NEDD9: variants seen among roughly 807,000 people sequenced by gnomAD.
NEDD9 encodes neural precursor cell expressed, developmentally down-regulated 9, also known as enhancer of filamentation 1.
In NEDD9, 26 loss-of-function variants were observed where a neutral mutation model predicts 76.6. The observed-to-expected ratio is 0.34, with a 90% CI of 0.25 to 0.47. The LOEUF (loss-of-function observed/expected upper bound fraction) is 0.47. NEDD9 is among the 20% of genes least tolerant of loss of function. The probability of loss-of-function intolerance (pLI) is 1.00; values close to 1 mark genes in which losing one functional copy is unlikely to be tolerated. For synonymous variants in NEDD9, 392 were observed against 414.2 expected (o/e 0.95, Z 0.65); for missense variants, 937 against 1,058.5 (o/e 0.89, Z 1.59).
At chr6:11,356,545 AAC>A (rs1252830130) in intron 1 of NEDD9, among the ~76,000 whole-genome samples, 1 of 152,172 alleles carries the variant, frequency 6.6e-6, no homozygotes, top group Non-Finnish European at 1.5e-5. Flanking sequence ...AGCTTGTTAA[AAC>A]ACAGATGGCT....
At chr6:11,192,320 T>C in intron 4 of NEDD9, 25 bp downstream of exon 4, 1 of 1,386,184 alleles carries the variant, frequency 7.2e-7, no homozygotes, top group Non-Finnish European at 9.9e-7. Context: ...CACTCCTTTT[T>C]GCTGCTTTGT....
intron 1 of NEDD9, among the ~76,000 whole-genome samples, chr6:11,366,298 A>AGGAAGGAAGGAAGGAAG (rs1762765208): frequency 2.1e-5 from 2 of 94,870 alleles, no homozygotes; most frequent in African/African-American, 9.4e-5. Context: ...AAGGAAGGAA[A>AGGAAGGAAGGAAGGAAG]GAAAGAAAGA....
At chr6:11,186,709 C>T (rs1000428606) in intron 6 of NEDD9, among the ~76,000 whole-genome samples, 6 of 152,200 alleles carry the variant, frequency 3.9e-5, no homozygotes, top group Non-Finnish European at 7.3e-5. Context: ...GCTCCGCCTC[C>T]CAGGTTCACA....
chr6:11,284,738 A>T (rs1760612225), intron 3 of NEDD9, among the ~76,000 whole-genome samples: 1 of 150,980 alleles, frequency 6.6e-6, no homozygotes, highest in South Asian at 2.1e-4. Flanking sequence ...TCCAAATACT[A>T]TGTTAAGTGC....
intron 3 of NEDD9, among the ~76,000 whole-genome samples, chr6:11,291,474 C>T (rs1447186239): frequency 6.6e-6 from 1 of 152,028 alleles, no homozygotes; most frequent in African/African-American, 2.4e-5. Context: ...CGGGGTTTCA[C>T]CGTAGTAGCC....
chr6:11,240,842 C>T (rs1482733905), intron 3 of NEDD9, among the ~76,000 whole-genome samples: 1 of 152,168 alleles, frequency 6.6e-6, no homozygotes, highest in Non-Finnish European at 1.5e-5. Flanking sequence ...TTAGGCTTAT[C>T]TCCATAATTG....
chr6:11,364,904 A>G (rs896162387), intron 1 of NEDD9, among the ~76,000 whole-genome samples: 1 of 152,090 alleles, frequency 6.6e-6, no homozygotes, highest in Admixed American at 6.5e-5. Context: ...TATAAGCCAA[A>G]TGGAGCCTCT....
chr6:11,275,499 A>T (rs1169947416), intron 3 of NEDD9, among the ~76,000 whole-genome samples: 1 of 152,196 alleles, frequency 6.6e-6, no homozygotes, highest in Non-Finnish European at 1.5e-5. Context: ...CATGCTGTAC[A>T]TCATAAAATA....
chr6:11,303,696 A>G (rs973016651), intron 3 of NEDD9, among the ~76,000 whole-genome samples: 4 of 152,248 alleles, frequency 2.6e-5, no homozygotes, highest in African/African-American at 9.6e-5. Flanking sequence ...CCTGAAAAAA[A>G]CAAGCAATAT....
chr6:11,212,849 A>C (rs1758825561), intron 2 of NEDD9, among the ~76,000 whole-genome samples: 2 of 152,212 alleles, frequency 1.3e-5, no homozygotes, highest in Non-Finnish European at 2.9e-5. Context: ...CAGGCCACTG[A>C]GGTCATGATT....
At chr6:11,281,523 G>A (rs1261672892) in intron 3 of NEDD9, among the ~76,000 whole-genome samples, 1 of 151,894 alleles carries the variant, frequency 6.6e-6, no homozygotes, top group African/African-American at 2.4e-5. Flanking sequence ...TTTTTCTTTT[G>A]TTTTTATCTT....
At chr6:11,305,139 G>T (rs756447086) in intron 3 of NEDD9, 1 of 1,289,122 alleles carries the variant, frequency 7.8e-7, no homozygotes, top group South Asian at 1.2e-5. Flanking sequence ...TTTTATTTGT[G>T]TGCAGTTGAT....
At chr6:11,341,974 G>A (rs908689609) in intron 1 of NEDD9, among the ~76,000 whole-genome samples, 1 of 152,090 alleles carries the variant, frequency 6.6e-6, no homozygotes, top group Non-Finnish European at 1.5e-5. Flanking sequence ...GTGAGTAAAT[G>A]AGGAATTTTT....
intron 1 of NEDD9, among the ~76,000 whole-genome samples, chr6:11,339,863 T>C (rs1424724793): frequency 6.6e-6 from 1 of 152,230 alleles, no homozygotes; most frequent in Non-Finnish European, 1.5e-5. Flanking sequence ...CTTGCATTTG[T>C]CATCTAATTT....
intron 3 of NEDD9, among the ~76,000 whole-genome samples, chr6:11,304,656 G>C (rs1299715706): frequency 6.6e-6 from 1 of 152,184 alleles, no homozygotes; most frequent in East Asian, 1.9e-4. Context: ...GTCCTTTGTA[G>C]GGACATGGAT....
chr6:11,185,273 G>A lies in NEDD9; in HGVS notation c.2394C>T (p.Ala798=), dbSNP rs1387283744. Reference sequence around the variant, plus strand: ...GGGCCGTGGTGCTGGGGTAATGGAGGGCGGCCATCTTGGTTGCCATGACTA... The same window carrying A: ...GGGCCGTGGTGCTGGGGTAATGGAGAGCGGCCATCTTGGTTGCCATGACTA... ...KTIVMATKMA[A]LHYPSTTALQ... Residue 798 remains alanine (A), a synonymous_variant, in exon 7 of 7, where the codon GCC becomes GCT. Transcript: ENST00000379446. 1.2e-6 allele frequency: 2 copies of A among 1,614,136 alleles called. No individual in the cohort carries two copies. The highest frequency in any genetic ancestry group is 4.5e-5 in the East Asian group (2 of 44,876).
At chr6:11,238,814 A>G (rs1236431120) in intron 3 of NEDD9, among the ~76,000 whole-genome samples, 1 of 152,084 alleles carries the variant, frequency 6.6e-6, no homozygotes, top group Non-Finnish European at 1.5e-5. Context: ...TCTCTCCTTT[A>G]AGTATGAGCC....
chr6:11,299,506 C>T (rs1760986458), intron 3 of NEDD9, among the ~76,000 whole-genome samples: 1 of 152,200 alleles, frequency 6.6e-6, no homozygotes, highest in Non-Finnish European at 1.5e-5. Flanking sequence ...AGCAGCGGTT[C>T]TCTCAGCATG....
chr6:11,305,620 A>C (rs995744469), intron 3 of NEDD9, among the ~76,000 whole-genome samples: 6 of 152,226 alleles, frequency 3.9e-5, no homozygotes, highest in African/African-American at 1.4e-4. Context: ...ACAGAGAAAC[A>C]AGGCACCAAG....
Sources: allele counts gnomAD v4.1 joint callset (sites outside exome capture counted in the v4.1 genomes callset), GRCh38; gene constraint gnomAD v4.1.1; transcripts MANE v1.5; gene names NCBI Gene and HGNC (gene_info 2026-07-23, HGNC 2026-07-21).